BZW2: variants seen among roughly 807,000 people sequenced by gnomAD.
BZW2 encodes the protein basic leucine zipper and W2 domains 2, also known as eIF5-mimic protein 1.
Under a neutral mutation model 53.2 loss-of-function variants are expected in BZW2, and 23 were observed. That is an observed-to-expected ratio of 0.43 (90% CI 0.31 to 0.61). The LOEUF is 0.61. BZW2 is among the 20% of genes least tolerant of loss of function. The pLI is 0.09. For missense variants in BZW2, 409 were observed against 503.1 expected (o/e 0.81, Z 1.79); for synonymous variants, 227 against 186.4 (o/e 1.22, Z -1.77).
chr7:16,691,276 C>T (rs1396717651), intron 7 of BZW2, among the ~76,000 whole-genome samples: 1 of 152,154 alleles, frequency 6.6e-6, no homozygotes, highest in Non-Finnish European at 1.5e-5. Flanking sequence ...AAGTTGCCTG[C>T]CCTCGTGAAA....
intron 1 of BZW2, among the ~76,000 whole-genome samples, chr7:16,663,487 C>T (rs1162815864): frequency 6.6e-6 from 1 of 151,926 alleles, no homozygotes; most frequent in Non-Finnish European, 1.5e-5. Context: ...TAATGATTAA[C>T]TTGACGTTTT....
chr7:16,657,932 T>C (rs1782160846), intron 1 of BZW2, among the ~76,000 whole-genome samples: 1 of 152,228 alleles, frequency 6.6e-6, no homozygotes, highest in Admixed American at 6.5e-5. Context: ...TAGGGCATTT[T>C]GTTAAAGTAC....
intron 11 of BZW2, 102 bp downstream of exon 11, chr7:16,704,771 A>G: frequency 8.1e-7 from 1 of 1,229,510 alleles, no homozygotes; most frequent in Non-Finnish European, 1.1e-6. Flanking sequence ...TCTAAAACTA[A>G]AATTCTAGAG....
intron 2 of BZW2, among the ~76,000 whole-genome samples, 177 bp downstream of exon 2, chr7:16,665,678 A>C (rs1583709780): frequency 6.6e-6 from 1 of 152,164 alleles, no homozygotes; most frequent in Non-Finnish European, 1.5e-5. Context: ...CTTGTTGGAC[A>C]AGTTATTTAA....
At chr7:16,672,646 C>T (rs1208176442) in intron 2 of BZW2, among the ~76,000 whole-genome samples, 2 of 152,152 alleles carry the variant, frequency 1.3e-5, no homozygotes, top group African/African-American at 4.8e-5. Context: ...GGGTGATGTC[C>T]TTTGAGTTGA....
chr7:16,670,268 T>C (rs1286302185), intron 2 of BZW2, among the ~76,000 whole-genome samples: 1 of 152,248 alleles, frequency 6.6e-6, no homozygotes, highest in African/African-American at 2.4e-5. Context: ...TTGCTGGTAA[T>C]TCTTTTGGAA....
chr7:16,689,956 C>T, intron 7 of BZW2, 50 bp downstream of exon 7: 1 of 1,404,078 alleles, frequency 7.1e-7, no homozygotes, highest in Middle Eastern at 1.8e-4. Context: ...TTTCTTGGAG[C>T]TTAAGCAATG....
intron 7 of BZW2, among the ~76,000 whole-genome samples, chr7:16,691,470 C>G (rs867370813): frequency 6.6e-6 from 1 of 152,220 alleles, no homozygotes; most frequent in East Asian, 1.9e-4. Flanking sequence ...TTCCACATGC[C>G]TTTTCATTCG....
Position 16,689,923 on chromosome 7 carries a change from T to G in BZW2, c.651+17T>G. The G allele has an allele frequency of 6.3e-7, 1 of 1,592,890 alleles. No homozygotes were observed. The highest frequency in any genetic ancestry group is 8.6e-7 in the Non-Finnish European group (1 of 1,164,670). ...AGGCTGCTTGTAAGTGTTTTCTGGT[T>G]AAAGAGTTGTATGTATGATGCCTTT... is the stretch of plus-strand genomic sequence containing the variant. On this transcript the variant is annotated intron_variant, in intron 7 of 11. Transcript: ENST00000258761.
intron 2 of BZW2, among the ~76,000 whole-genome samples, chr7:16,670,565 C>T (rs1264859917): frequency 2.6e-5 from 4 of 152,192 alleles, no homozygotes; most frequent in South Asian, 4.1e-4. Context: ...CCACCTTTCT[C>T]ATATTATAGG....
intron 1 of BZW2, among the ~76,000 whole-genome samples, chr7:16,653,164 A>G (rs1782029425): frequency 6.6e-6 from 1 of 151,954 alleles, no homozygotes; most frequent in Admixed American, 6.6e-5. Flanking sequence ...CAATATTTGG[A>G]CTCATGCCCA....
intron 3 of BZW2, 94 bp from the exon 4 acceptor site, chr7:16,681,203 TTTGA>T (rs1409787207): frequency 2.1e-6 from 2 of 943,254 alleles, no homozygotes; most frequent in Non-Finnish European, 3.2e-6. Context: ...TTACATCTAC[TTTGA>T]TTATTTTCTT....
intron 1 of BZW2, among the ~76,000 whole-genome samples, chr7:16,649,901 G>T (rs998859547): frequency 1.3e-5 from 2 of 152,086 alleles, no homozygotes; most frequent in African/African-American, 4.8e-5. Context: ...GATGGGTGAT[G>T]AGTATATTCA....
chr7:16,662,482 G>T (rs706029), intron 1 of BZW2, among the ~76,000 whole-genome samples: 1 of 151,974 alleles, frequency 6.6e-6, no homozygotes, highest in Non-Finnish European at 1.5e-5. Context: ...TGCTGTGTTT[G>T]GTGGTACTTC....
At chr7:16,661,140 G>A (rs1349921001) in intron 1 of BZW2, 1 of 152,120 alleles carries the variant, frequency 6.6e-6, no homozygotes, top group African/African-American at 2.4e-5. Flanking sequence ...ACGTAAGGCA[G>A]GTTATCATAG....
chr7:16,667,730 G>A (rs924310624), intron 2 of BZW2, among the ~76,000 whole-genome samples: 2 of 152,072 alleles, frequency 1.3e-5, no homozygotes, highest in African/African-American at 2.4e-5. Context: ...TCAAGTGACC[G>A]GAAAATAGTT....
chr7:16,675,668 G>A (rs926520550), intron 3 of BZW2, among the ~76,000 whole-genome samples: 1 of 152,188 alleles, frequency 6.6e-6, no homozygotes, highest in African/African-American at 2.4e-5. Flanking sequence ...TGTTTATGAA[G>A]AGCTTACATT....
At position 16,706,301 on chromosome 7, in the gene BZW2, C is replaced by G; in HGVS notation, c.*213C>G. On this transcript the variant is annotated 3_prime_UTR_variant, in exon 12 of 12. Transcript: ENST00000258761. The stretch of plus-strand genomic sequence containing the variant: ...AGCTATTATACTTGGGACTCTACCT[C>G]TCACTCACTATATGCTAACTTAAAG... 3.7e-6 allele frequency: 2 copies of G among 545,876 alleles called. No individual in the cohort carries two copies. The highest frequency in any genetic ancestry group is 6.5e-6 in the Non-Finnish European group (2 of 308,664). 33.8% of individuals were successfully genotyped at this position (545,876 alleles called of 1,614,324 possible).
intron 3 of BZW2, among the ~76,000 whole-genome samples, chr7:16,678,179 C>G (rs1782825832): frequency 1.4e-5 from 2 of 140,198 alleles, no homozygotes; most frequent in Non-Finnish European, 3.0e-5. Context: ...AGGCAATTAT[C>G]TCGAGTAGCC....
Sources: gnomAD v4.1 joint callset for allele counts (sites outside exome capture counted in the v4.1 genomes callset) on GRCh38, gnomAD v4.1.1 for gene constraint, MANE v1.5 for transcripts, NCBI Gene and HGNC (gene_info 2026-07-23, HGNC 2026-07-21) for gene names.